Variants in ADAMTS6 observed in about 807,000 individuals in gnomAD.
ADAMTS6 encodes ADAM metallopeptidase with thrombospondin type 1 motif 6, also known as A disintegrin and metalloproteinase with thrombospondin motifs 6.
In ADAMTS6, 23 loss-of-function variants were observed where a neutral mutation model predicts 144.3. The ratio of observed to expected loss-of-function variants is 0.16; its 90% CI spans 0.11 to 0.23. The LOEUF (loss-of-function observed/expected upper bound fraction) is 0.23, where lower values mean the gene tolerates loss of function less well. Among genes scored for constraint, ADAMTS6 ranks in the 10% least tolerant of loss-of-function variants. The pLI is 1.00. For synonymous variants in ADAMTS6, 444 were observed against 457.5 expected, an observed-to-expected ratio of 0.97 and a Z score of 0.38; for missense variants, 999 against 1,379.6, an observed-to-expected ratio of 0.72 and a Z score of 4.37.
intron 12 of ADAMTS6, among the ~76,000 whole-genome samples, chr5:65,271,376 T>TAA (rs771448447): frequency 8.6e-5 from 10 of 116,356 alleles, no homozygotes; most frequent in South Asian, 2.8e-4. Context: ...ATACTCCGTC[T>TAA]AAAAAAAAAA....
In ADAMTS6 at chr5:65,173,026, A is replaced by G. The variant is rs768524726; in HGVS notation, c.2911-18T>C. The G allele has an allele frequency of 7.5e-6, 12 of 1,608,344 alleles. No individual in the cohort carries two copies. In the African/African-American group the frequency reaches 1.3e-4, roughly 18 times the overall value. ...GGAGTACACTGGAAATAAAACAAAT[A>G]GTAATGAATCACGACAGTTTAAAGA... is the stretch of plus-strand genomic sequence containing the variant. On this transcript the variant is annotated intron_variant, in intron 22 of 24. Transcript: ENST00000381055.
chr5:65,234,018 A>G (rs1758462506), intron 15 of ADAMTS6, among the ~76,000 whole-genome samples: 1 of 151,488 alleles, frequency 6.6e-6, no homozygotes, highest in African/African-American at 2.4e-5. Flanking sequence ...CCAAGAAAAT[A>G]GAGTGAGGAG....
At chr5:65,439,257 T>C (rs935639310) in intron 7 of ADAMTS6, among the ~76,000 whole-genome samples, 2 of 152,020 alleles carry the variant, frequency 1.3e-5, no homozygotes, top group East Asian at 1.9e-4. Context: ...ATGCCAAAAT[T>C]GGAGGGTAAA....
chr5:65,289,526 A>C (rs1021824359), intron 11 of ADAMTS6, among the ~76,000 whole-genome samples: 4 of 152,228 alleles, frequency 2.6e-5, no homozygotes, highest in Non-Finnish European at 5.9e-5. Context: ...ACTCCATCTC[A>C]AATAAAAAGA....
At chr5:65,301,990 G>A (rs1743429338) in intron 9 of ADAMTS6, among the ~76,000 whole-genome samples, 1 of 150,222 alleles carries the variant, frequency 6.7e-6, no homozygotes, top group East Asian at 2.0e-4. Context: ...TACTCAGGAG[G>A]CTGAGACATG....
intron 22 of ADAMTS6, among the ~76,000 whole-genome samples, chr5:65,176,333 A>G (rs193236107): frequency 5.9e-5 from 9 of 152,368 alleles, no homozygotes; most frequent in African/African-American, 2.2e-4. Flanking sequence ...AAAAGTAACT[A>G]GGCCTCCTGA....
chr5:65,478,700 T>C (rs915543264), intron 1 of ADAMTS6, among the ~76,000 whole-genome samples: 1 of 152,236 alleles, frequency 6.6e-6, no homozygotes, highest in Non-Finnish European at 1.5e-5. Flanking sequence ...CAACTAGTTA[T>C]ATTGTCTTTT....
At chr5:65,312,138 A>G (rs1399970471) in intron 9 of ADAMTS6, among the ~76,000 whole-genome samples, 1 of 152,032 alleles carries the variant, frequency 6.6e-6, no homozygotes, top group Non-Finnish European at 1.5e-5. Context: ...ATTAAAGAAC[A>G]GTTTCCTCAT....
intron 7 of ADAMTS6, among the ~76,000 whole-genome samples, chr5:65,355,982 G>A (rs1049063526): frequency 2.6e-5 from 4 of 151,270 alleles, no homozygotes; most frequent in Non-Finnish European, 5.9e-5. Flanking sequence ...TCATTCCTGC[G>A]CTCCTAGCTC....
chr5:65,437,959 T>A (rs1324815731), intron 7 of ADAMTS6, among the ~76,000 whole-genome samples: 2 of 152,208 alleles, frequency 1.3e-5, no homozygotes, highest in African/African-American at 4.8e-5. Flanking sequence ...GTGAATGCTT[T>A]CTTACTATAA....
intron 7 of ADAMTS6, among the ~76,000 whole-genome samples, chr5:65,394,234 G>T (rs533271455): frequency 6.6e-6 from 1 of 152,264 alleles, no homozygotes; most frequent in Admixed American, 6.5e-5. Context: ...CAAGCAGGCT[G>T]GTTGCCCTGA....
At chr5:65,474,675 G>A (rs888038750) in intron 1 of ADAMTS6, among the ~76,000 whole-genome samples, 3 of 151,486 alleles carry the variant, frequency 2.0e-5, no homozygotes, top group East Asian at 3.9e-4. Context: ...CTCACTCAGA[G>A]TCTCCATTCA....
intron 9 of ADAMTS6, among the ~76,000 whole-genome samples, chr5:65,327,503 AT>A (rs1277617890): frequency 5.9e-5 from 9 of 151,966 alleles, no homozygotes; most frequent in African/African-American, 2.2e-4. Flanking sequence ...ATTTTGTGGA[AT>A]TTTTTCCCCA....
At chr5:65,232,530 A>G (rs566279029) in intron 15 of ADAMTS6, among the ~76,000 whole-genome samples, 6 of 152,204 alleles carry the variant, frequency 3.9e-5, no homozygotes, top group Admixed American at 6.6e-5. Context: ...TACAACAGAC[A>G]CCACAGAAAT....
intron 12 of ADAMTS6, among the ~76,000 whole-genome samples, chr5:65,266,384 T>C (rs1239743452): frequency 6.6e-6 from 1 of 151,946 alleles, no homozygotes; most frequent in African/African-American, 2.4e-5. Context: ...CATGGAGCTA[T>C]ATCATAATAG....
At chr5:65,265,837 A>G (rs182511458) in intron 12 of ADAMTS6, among the ~76,000 whole-genome samples, 4 of 152,088 alleles carry the variant, frequency 2.6e-5, no homozygotes, top group African/African-American at 9.6e-5. Flanking sequence ...AAGATCACAT[A>G]CTAGTAGAAA....
intron 14 of ADAMTS6, among the ~76,000 whole-genome samples, chr5:65,244,289 G>A (rs781087839): frequency 3.3e-5 from 5 of 152,048 alleles, no homozygotes; most frequent in Non-Finnish European, 5.9e-5. Flanking sequence ...AGAAGCATAA[G>A]AGGAAATGAT....
At chr5:65,196,389 G>T (rs1388106786) in intron 21 of ADAMTS6, among the ~76,000 whole-genome samples, 2 of 151,726 alleles carry the variant, frequency 1.3e-5, no homozygotes, top group Admixed American at 6.6e-5. Context: ...CGGGTGTGGT[G>T]GTGGGCGCCT....
Position 65,334,025 on chromosome 5 carries a change from A to AC in ADAMTS6, c.1117+16_1117+17insG, listed in dbSNP as rs1747058692. ...AAAAAAAAAAAAAAAAAAAAAAAAA[A>AC]ACCAAAAAAAACTTACCCAGTGTTC... On this transcript the variant is annotated intron_variant, in intron 8 of 24. Transcript: ENST00000381055. The AC allele has an allele frequency of 7.2e-7, 1 of 1,384,670 alleles. No homozygotes were observed. The highest frequency in any genetic ancestry group is 9.4e-7 in the Non-Finnish European group (1 of 1,066,846). The allele number at this position is 1,384,670 out of a possible 1,614,324, so 85.8% of individuals were successfully genotyped here. A position where few individuals can be genotyped will look rare whatever the true frequency, so the allele number is the denominator to read the frequency against.
Sources: gnomAD v4.1 joint callset for allele counts (sites outside exome capture counted in the v4.1 genomes callset) on GRCh38, gnomAD v4.1.1 for gene constraint, MANE v1.5 for transcripts, NCBI Gene and HGNC (gene_info 2026-07-23, HGNC 2026-07-21) for gene names.